PPP2R5C: variants seen among roughly 807,000 people sequenced by gnomAD.
PPP2R5C encodes the protein protein phosphatase 2 regulatory subunit B'gamma.
A neutral mutation model predicts 68.9 loss-of-function variants in PPP2R5C; 7 were observed. The ratio of observed to expected loss-of-function variants is 0.10; its 90% CI spans 0.06 to 0.19. The LOEUF (loss-of-function observed/expected upper bound fraction) is 0.19. PPP2R5C is among the 10% of genes least tolerant of loss of function. The pLI, the probability that PPP2R5C is intolerant of heterozygous loss-of-function variation, is 1.00. For missense variants in PPP2R5C, 348 were observed against 641.3 expected, an observed-to-expected ratio of 0.54 and a Z score of 4.94; for synonymous variants, 210 against 222.2, an observed-to-expected ratio of 0.95 and a Z score of 0.49.
At chr14:101,909,830 A>G (rs1232545054) in intron 11 of PPP2R5C, 140 bp downstream of exon 13, 2 of 485,856 alleles carry the variant, frequency 4.1e-6, no homozygotes, top group African/African-American at 3.9e-5. Flanking sequence ...AAGCAAATTA[A>G]AACTGTGTTA....
intron 3 of PPP2R5C, chr14:101,789,884 G>A (rs1345099906): frequency 6.6e-6 from 1 of 151,808 alleles, no homozygotes; most frequent in African/African-American, 2.4e-5. Context: ...TCTATGAAAC[G>A]TCTGTAGCTT....
chr14:101,896,472 G>T (rs1460645081), intron 8 of PPP2R5C, among the ~76,000 whole-genome samples: 1 of 151,646 alleles, frequency 6.6e-6, no homozygotes, highest in African/African-American at 2.4e-5. Context: ...GGTGGCTCAC[G>T]CCTGTAGTCC....
At chr14:101,841,429 G>C (rs2041464092) in intron 1 of PPP2R5C, among the ~76,000 whole-genome samples, 1 of 152,206 alleles carries the variant, frequency 6.6e-6, no homozygotes, top group African/African-American at 2.4e-5. Flanking sequence ...GTAGACTCTA[G>C]AGGACAGCCT....
intron 2 of PPP2R5C, among the ~76,000 whole-genome samples, chr14:101,772,279 T>C (rs1595119497): frequency 6.6e-6 from 1 of 151,900 alleles, no homozygotes; most frequent in Non-Finnish European, 1.5e-5. Context: ...GAAGAGGGAA[T>C]GCATGGTGAG....
intron 1 of PPP2R5C, among the ~76,000 whole-genome samples, chr14:101,822,714 C>G (rs1052896355): frequency 1.1e-4 from 16 of 152,206 alleles, no homozygotes; most frequent in African/African-American, 3.9e-4. Flanking sequence ...TTTTCTCATT[C>G]AAATAGTCTA....
intron 3 of PPP2R5C, among the ~76,000 whole-genome samples, chr14:101,798,146 T>C (rs1419347002): frequency 6.6e-6 from 1 of 151,712 alleles, no homozygotes; most frequent in Admixed American, 6.6e-5. Flanking sequence ...TCATATAGTT[T>C]CCAGTTTAAA....
chr14:101,816,550 C>T (rs1188097780), intron 1 of PPP2R5C, among the ~76,000 whole-genome samples: 1 of 152,096 alleles, frequency 6.6e-6, no homozygotes, highest in Non-Finnish European at 1.5e-5. Context: ...ATTTTGAAGG[C>T]AGCTGGAGAA....
At chr14:101,920,201 C>G (rs759838169) in intron 13 of PPP2R5C, among the ~76,000 whole-genome samples, 6 of 152,194 alleles carry the variant, frequency 3.9e-5, no homozygotes, top group Non-Finnish European at 7.3e-5. Flanking sequence ...AGCATTCTCT[C>G]CTGAGTAAAG....
At chr14:101,890,927 CATGCCTGGCT>C (rs1170198625) in intron 6 of PPP2R5C, among the ~76,000 whole-genome samples, 1 of 151,936 alleles carries the variant, frequency 6.6e-6, no homozygotes. Context: ...TGCCCGCCAC[CATGCCTGGCT>C]AATTTTTGTA....
chr14:101,771,008 T>A (rs548718310), intron 2 of PPP2R5C, among the ~76,000 whole-genome samples: 161 of 152,338 alleles, frequency 1.1e-3, no homozygotes, highest in African/African-American at 3.7e-3. Flanking sequence ...CACAGTGTCC[T>A]CTCTAATCAC....
At chr14:101,878,938 C>T (rs1470456526) in intron 2 of PPP2R5C, among the ~76,000 whole-genome samples, 2 of 152,202 alleles carry the variant, frequency 1.3e-5, no homozygotes, top group African/African-American at 4.8e-5. Context: ...TTTCAGTTAT[C>T]GCCTTTAACC....
chr14:101,894,483 G>T (rs1167305618), intron 7 of PPP2R5C, 24 bp from the exon 10 acceptor site: 2 of 1,609,244 alleles, frequency 1.2e-6, no homozygotes, highest in Admixed American at 1.7e-5. Flanking sequence ...AAATGTTAAT[G>T]CTCTTTCTCC....
At chr14:101,868,871 G>A (rs985854619) in intron 2 of PPP2R5C, among the ~76,000 whole-genome samples, 12 of 152,034 alleles carry the variant, frequency 7.9e-5, no homozygotes, top group Non-Finnish European at 1.6e-4. Context: ...CACGTCTTCC[G>A]CACCACAGTC....
At chr14:101,872,656 C>A (rs2043502654) in intron 2 of PPP2R5C, among the ~76,000 whole-genome samples, 1 of 152,188 alleles carries the variant, frequency 6.6e-6, no homozygotes, top group Non-Finnish European at 1.5e-5. Flanking sequence ...TCCTGCCATT[C>A]TTTTCTTTGT....
At chr14:101,862,606 A>G (rs2042812703) in intron 2 of PPP2R5C, among the ~76,000 whole-genome samples, 1 of 152,188 alleles carries the variant, frequency 6.6e-6, no homozygotes, top group African/African-American at 2.4e-5. Context: ...CTTGTCAACT[A>G]CATTGTCTGT....
At chr14:101,870,243 A>G (rs1166013012) in intron 2 of PPP2R5C, among the ~76,000 whole-genome samples, 1 of 152,054 alleles carries the variant, frequency 6.6e-6, no homozygotes, top group African/African-American at 2.4e-5. Flanking sequence ...GTCCTTTATC[A>G]GTAGTGCTTT....
At position 101,856,646 on chromosome 14, in the gene PPP2R5C, G is replaced by A. The variant is rs201666565; in HGVS notation, c.95-40G>A. On this transcript the variant is annotated intron_variant, in intron 1 of 13. Coordinates refer to ENST00000334743, the Ensembl canonical transcript of PPP2R5C. ...GTGTTTCACAATAACTTTGGGTTAAGCACTTTTGTGATCAATATACTTTGC... is the reference window on the plus strand; with the variant it reads ...GTGTTTCACAATAACTTTGGGTTAAACACTTTTGTGATCAATATACTTTGC... 7.7e-6 allele frequency: 12 copies of A among 1,554,768 alleles called. No individual in the cohort carries two copies. In the African/African-American group the frequency reaches 1.5e-4, roughly 19 times the overall value.
chr14:101,791,742 A>C (rs2038373227), intron 3 of PPP2R5C, among the ~76,000 whole-genome samples: 1 of 151,918 alleles, frequency 6.6e-6, no homozygotes, highest in Non-Finnish European at 1.5e-5. Context: ...TCTTGAACAT[A>C]CCATCAAAAC....
At chr14:101,800,634 G>T (rs2038820665) in intron 3 of PPP2R5C, among the ~76,000 whole-genome samples, 1 of 148,748 alleles carries the variant, frequency 6.7e-6, no homozygotes. Flanking sequence ...AGTAATGTAT[G>T]CTTGTTTTAG....
Sources: gnomAD v4.1 joint callset for allele counts (sites outside exome capture counted in the v4.1 genomes callset) on GRCh38, gnomAD v4.1.1 for gene constraint, MANE v1.5 for transcripts, NCBI Gene and HGNC (gene_info 2026-07-23, HGNC 2026-07-21) for gene names.